Variants in CERS5 observed in about 807,000 individuals in gnomAD.
CERS5 encodes the protein ceramide synthase 5.
CERS5 carries 37 observed loss-of-function variants against 58.9 expected under a neutral mutation model. The observed-to-expected ratio is 0.63, with a 90% CI of 0.48 to 0.83. The LOEUF (loss-of-function observed/expected upper bound fraction) is 0.83, where lower values mean the gene tolerates loss of function less well. Among genes scored for constraint, CERS5 ranks in the 40% least tolerant of loss-of-function variants. CERS5 has a pLI of 0.00. For synonymous variants in CERS5, 147 were observed against 177.8 expected (o/e 0.83, Z 1.38); for missense variants, 398 against 489.3 (o/e 0.81, Z 1.76).
intron 1 of CERS5, among the ~76,000 whole-genome samples, chr12:50,146,743 AGACTGAGGC>A (rs1952293854): frequency 2.0e-5 from 3 of 151,110 alleles, no homozygotes; most frequent in Non-Finnish European, 4.4e-5. Context: ...GCTACTCGGG[AGACTGAGGC>A]GGGAGAATGG....
chr12:50,161,504 C>T (rs898660443), intron 1 of CERS5, among the ~76,000 whole-genome samples: 3 of 151,994 alleles, frequency 2.0e-5, no homozygotes, highest in Admixed American at 6.6e-5. Flanking sequence ...TGGCCAGATG[C>T]GGTGGCTCAC....
chr12:50,164,891 A>C lies in CERS5; in HGVS notation c.197+2210T>G, dbSNP rs866516246. 5 of 152,198 alleles carry C rather than the reference A, an allele frequency of 3.3e-5. No individual in the cohort carries two copies. The South Asian group carries it at 8.3e-4, about 25-fold the overall frequency. The allele number at this position is 152,198 out of a possible 1,614,324, so 9.4% of individuals were successfully genotyped here. On this transcript the variant is annotated intron_variant, in intron 1 of 9. Transcript: ENST00000317551. ...AACATGGGGAAATTTCCATATTGGC[A>C]CATATTTATATGAAAAGCAGAGATG...
At chr12:50,166,226 G>C (rs1592466256) in intron 1 of CERS5, 1 of 182,604 alleles carries the variant, frequency 5.5e-6, no homozygotes, top group Non-Finnish European at 1.2e-5. Flanking sequence ...GGGAGGCTGA[G>C]GCAGGAGAAT....
chr12:50,159,060 A>G (rs1020954505), intron 1 of CERS5, among the ~76,000 whole-genome samples: 131 of 152,212 alleles, frequency 8.6e-4, no homozygotes, highest in Non-Finnish European at 3.2e-4. Context: ...GGTGGCTCAC[A>G]CCTGTAATCC....
chr12:50,132,970 G>C, intron 9 of CERS5: 29 of 1,288,974 alleles, frequency 2.2e-5, no homozygotes, highest in Non-Finnish European at 2.9e-5. Flanking sequence ...ACATGCAAGA[G>C]ATGAAACTGT....
At chr12:50,145,167 T>C (rs914924563) in intron 1 of CERS5, 1 of 144,858 alleles carries the variant, frequency 6.9e-6, no homozygotes, top group Non-Finnish European at 1.5e-5. Context: ...AGAAGAAGAA[T>C]AAAAAATAAA....
chr12:50,143,488 G>A (rs771797721), intron 2 of CERS5: 13 of 323,960 alleles, frequency 4.0e-5, no homozygotes, highest in Middle Eastern at 9.0e-4. Flanking sequence ...GCTCATGCCT[G>A]TAATCCTGGG....
intron 1 of CERS5, among the ~76,000 whole-genome samples, chr12:50,149,413 T>C (rs1937691901): frequency 6.6e-6 from 1 of 152,186 alleles, no homozygotes; most frequent in Admixed American, 6.5e-5. Context: ...GCTCTCCAGA[T>C]ACATAGCAGC....
At chr12:50,139,135 GT>G (rs1392457557) in intron 4 of CERS5, among the ~76,000 whole-genome samples, 1 of 151,976 alleles carries the variant, frequency 6.6e-6, no homozygotes, top group African/African-American at 2.4e-5. Flanking sequence ...TTTTGTTGGA[GT>G]TGGTCAATTT....
At chr12:50,146,231 T>C (rs1952260096) in intron 1 of CERS5, among the ~76,000 whole-genome samples, 1 of 152,176 alleles carries the variant, frequency 6.6e-6, no homozygotes. Flanking sequence ...ATTTTAAAGA[T>C]AAAATGAAAC....
intron 1 of CERS5, among the ~76,000 whole-genome samples, chr12:50,163,029 G>A (rs1423236669): frequency 6.6e-6 from 1 of 152,090 alleles, no homozygotes; most frequent in Non-Finnish European, 1.5e-5. Flanking sequence ...CTCCTGAGTA[G>A]CTGGGACTAC....
At chr12:50,136,152 T>G in intron 6 of CERS5, 83 bp from the exon 7 acceptor site, 9 of 1,293,862 alleles carry the variant, frequency 7.0e-6, no homozygotes, top group Non-Finnish European at 8.3e-6. Context: ...CATTATTCTC[T>G]AAGAATCTTA....
intron 1 of CERS5, chr12:50,166,060 C>G (rs1235791946): frequency 2.6e-6 from 1 of 389,062 alleles, no homozygotes; most frequent in Non-Finnish European, 5.2e-6. Flanking sequence ...CGGTGGCTCA[C>G]GCCTGTAATC....
rs34463989 is a variant in CERS5, at chr12:50,145,670, G to GA, written c.198-1614dup. 7.9e-3 allele frequency among the ~76,000 whole-genome samples: 1,169 copies of GA among 148,594 alleles called. 17 individuals are homozygous for GA. Among genetic ancestry groups the GA allele is most frequent in the African/African-American group, 0.025 (1,024 of 40,458 alleles). ...CATTCTCTTTTACACCGGTGGGGGG[G>GA]AAAAAAAAAATAGTTCCATTCAAAG... On this transcript the variant is annotated intron_variant, in intron 1 of 9. Coordinates refer to ENST00000317551, the MANE Select transcript of CERS5 (RefSeq NM_147190.5).
chr12:50,153,956 A>G (rs990717200), intron 1 of CERS5: 2 of 341,502 alleles, frequency 5.9e-6, no homozygotes, highest in Non-Finnish European at 1.2e-5. Context: ...CACCACCTCA[A>G]AACAACAACA....
At chr12:50,137,858 T>C in intron 5 of CERS5, 38 bp from the exon 6 acceptor site, 1 of 1,352,710 alleles carries the variant, frequency 7.4e-7, no homozygotes, top group Non-Finnish European at 1.1e-6. Flanking sequence ...TACCGGCTAG[T>C]CAAAGGTGCA....
At chr12:50,154,895 G>A (rs1192505149) in intron 1 of CERS5, among the ~76,000 whole-genome samples, 2 of 152,064 alleles carry the variant, frequency 1.3e-5, no homozygotes, top group Non-Finnish European at 2.9e-5. Context: ...GTTTCGCTCC[G>A]TCACCCAGGC....
intron 1 of CERS5, among the ~76,000 whole-genome samples, chr12:50,154,701 T>C (rs540336175): frequency 2.6e-5 from 4 of 152,168 alleles, no homozygotes; most frequent in Non-Finnish European, 5.9e-5. Context: ...GTCTATTTTC[T>C]CCCTTTTTGT....
chr12:50,153,112 G>A lies in CERS5; in HGVS notation c.198-9055C>T, dbSNP rs184916041. Among the ~76,000 whole-genome samples, 14 of 151,874 alleles carry A rather than the reference G, an allele frequency of 9.2e-5. No homozygotes were observed. The East Asian group carries it at 1.4e-3, about 15-fold the overall frequency. On this transcript the variant is annotated intron_variant, in intron 1 of 9. Coordinates refer to ENST00000317551, the MANE Select transcript of CERS5 (RefSeq NM_147190.5). Reference sequence around the variant, plus strand: ...AGTAATAACTATAATAAGTGAGCCCGTCATTTCAAGAAAAGCATTGTTGCC... The same window carrying A: ...AGTAATAACTATAATAAGTGAGCCCATCATTTCAAGAAAAGCATTGTTGCC...
Sources: gnomAD v4.1 joint callset for allele counts (sites outside exome capture counted in the v4.1 genomes callset) on GRCh38, gnomAD v4.1.1 for gene constraint, MANE v1.5 for transcripts, NCBI Gene and HGNC (gene_info 2026-07-23, HGNC 2026-07-21) for gene names.